Variants in APH1B observed in about 807,000 individuals in gnomAD.
APH1B encodes gamma-secretase subunit APH-1B.
In APH1B, 27 loss-of-function variants were observed where a neutral mutation model predicts 28.2. That is an observed-to-expected ratio of 0.96 (90% confidence interval 0.70 to 1.32). APH1B has a LOEUF of 1.32. Ranked by LOEUF, APH1B falls within the 40% of genes most tolerant of loss-of-function variation. The pLI is 0.00. For synonymous variants in APH1B, 141 were observed against 124.6 expected, an observed-to-expected ratio of 1.13 and a Z score of -0.88; for missense variants, 305 against 313.6, an observed-to-expected ratio of 0.97 and a Z score of 0.21.
chr15:63,300,708 C>A (rs753975933), intron 4 of APH1B, among the ~76,000 whole-genome samples: 2 of 152,220 alleles, frequency 1.3e-5, no homozygotes, highest in Non-Finnish European at 2.9e-5. Context: ...CCACCGTTTA[C>A]TGAAATAATT....
At chr15:63,281,144 A>AG (rs1260348018) in intron 2 of APH1B, among the ~76,000 whole-genome samples, 1 of 151,966 alleles carries the variant, frequency 6.6e-6, no homozygotes, top group Non-Finnish European at 1.5e-5. Flanking sequence ...TAAAAAAAAA[A>AG]CAAACAAGCA....
rs2038662843 is a variant in APH1B, at chr15:63,304,089, A to G, written c.607-1525A>G. Among the ~76,000 whole-genome samples, 12 of 152,144 alleles carry G rather than the reference A, an allele frequency of 7.9e-5. No homozygotes were observed. Among genetic ancestry groups the G allele is most frequent in the Admixed American group, 7.9e-4 (12 of 15,272 alleles). ...TTTATTGTTAGTCGTCCTGCTGGCT[A>G]TGTCATGGTATCATAAATACATAAA... On this transcript the variant is annotated intron_variant, in intron 5 of 5. Transcript: ENST00000261879. This position sits in a 1 kb window ranked among gnomAD's most constrained non-coding sequence, Gnocchi z 5.1.
At chr15:63,286,456 G>C in intron 2 of APH1B, 102 bp from the exon 3 acceptor site, 1 of 897,710 alleles carries the variant, frequency 1.1e-6, no homozygotes, top group East Asian at 2.8e-5. Context: ...CAAAGCCTCA[G>C]TGAGTATCTG....
chr15:63,286,704 T>C, intron 3 of APH1B, 76 bp downstream of exon 3: 7 of 1,355,972 alleles, frequency 5.2e-6, no homozygotes, highest in Non-Finnish European at 7.1e-6. Flanking sequence ...CTTTTGTATC[T>C]TTGTAGATTT....
intron 2 of APH1B, among the ~76,000 whole-genome samples, chr15:63,285,830 G>A (rs1422527533): frequency 3.3e-5 from 5 of 152,260 alleles, no homozygotes; most frequent in Admixed American, 6.5e-5. Context: ...TCTGAGGGTA[G>A]CATTTTATTC....
chr15:63,284,498 G>A (rs946609380), intron 2 of APH1B, among the ~76,000 whole-genome samples: 6 of 152,204 alleles, frequency 3.9e-5, no homozygotes, highest in African/African-American at 1.4e-4. Context: ...ATAGGCGTGG[G>A]CCACTGCGCC....
At chr15:63,287,940 G>A (rs1430768203) in intron 4 of APH1B, among the ~76,000 whole-genome samples, 1 of 152,164 alleles carries the variant, frequency 6.6e-6, no homozygotes, top group African/African-American at 2.4e-5. Flanking sequence ...ATCTGAAATT[G>A]AGAGGAAAAA....
intron 4 of APH1B, among the ~76,000 whole-genome samples, chr15:63,301,218 A>C (rs2038623688): frequency 6.6e-6 from 1 of 152,266 alleles, no homozygotes; most frequent in Non-Finnish European, 1.5e-5. Flanking sequence ...TAGCTGCAGA[A>C]TTGCTGGAGT....
Position 63,279,349 on chromosome 15 carries a change from C to T in APH1B, c.284+18C>T. On this transcript the variant is annotated intron_variant, in intron 2 of 5. Coordinates refer to ENST00000261879, the MANE Select transcript of APH1B (RefSeq NM_031301.4). ...CTCTTAAAGTAAGTTAAATACCTGC[C>T]TTACCTTTTTTTTCCCCAGTTAGAT... 1 of 1,574,548 alleles carries T rather than the reference C, an allele frequency of 6.4e-7. No individual in the cohort carries two copies. The highest frequency in any genetic ancestry group is 2.3e-5 in the East Asian group (1 of 44,158).
chr15:63,290,285 G>T (rs1424875409), intron 4 of APH1B, among the ~76,000 whole-genome samples: 3 of 152,020 alleles, frequency 2.0e-5, no homozygotes, highest in Non-Finnish European at 2.9e-5. Context: ...TTTATTTGTG[G>T]TTATGTTGTA....
At chr15:63,295,795 G>C (rs913591936) in intron 4 of APH1B, among the ~76,000 whole-genome samples, 2 of 152,202 alleles carry the variant, frequency 1.3e-5, no homozygotes, top group East Asian at 3.8e-4. Flanking sequence ...ATTTGGGTTC[G>C]GTTTGAGAAG....
intron 4 of APH1B, among the ~76,000 whole-genome samples, chr15:63,289,553 C>T (rs1462631419): frequency 3.3e-5 from 5 of 152,152 alleles, no homozygotes; most frequent in South Asian, 2.1e-4. Context: ...CTTCCTTCAC[C>T]GACATGACGC....
At chr15:63,277,986 A>C in intron 1 of APH1B, 1 of 536,410 alleles carries the variant, frequency 1.9e-6, no homozygotes, top group Admixed American at 3.4e-5. Flanking sequence ...TGAAGCTACT[A>C]AAGTTGTATA....
chr15:63,278,161 A>T, intron 1 of APH1B: 1 of 384,406 alleles, frequency 2.6e-6, no homozygotes. Flanking sequence ...ACCTGTGGCC[A>T]GGTGCTTTAA....
At chr15:63,279,464 C>A in intron 2 of APH1B, 133 bp downstream of exon 2, 1 of 728,672 alleles carries the variant, frequency 1.4e-6, no homozygotes, top group Non-Finnish European at 2.0e-6. Flanking sequence ...TGGTACATTT[C>A]CAGCCTGAAA....
intron 5 of APH1B, among the ~76,000 whole-genome samples, chr15:63,303,400 T>C (rs1470502540): frequency 6.6e-6 from 1 of 152,246 alleles, no homozygotes; most frequent in Non-Finnish European, 1.5e-5. Flanking sequence ...TTTGTGGGAT[T>C]CATCTTCACA....
At chr15:63,294,330 A>G (rs1199363248) in intron 4 of APH1B, among the ~76,000 whole-genome samples, 1 of 152,198 alleles carries the variant, frequency 6.6e-6, no homozygotes, top group Non-Finnish European at 1.5e-5. Flanking sequence ...TGCTCAGTCT[A>G]GCCCCGCCCC....
At chr15:63,282,876 T>A (rs889550841) in intron 2 of APH1B, among the ~76,000 whole-genome samples, 2 of 152,174 alleles carry the variant, frequency 1.3e-5, no homozygotes, top group African/African-American at 2.4e-5. Context: ...TTTCTCTCTC[T>A]CACACACACA....
Position 63,305,573 on chromosome 15 carries a change from C to A in APH1B, c.607-41C>A, listed in dbSNP as rs768274992. On this transcript the variant is annotated intron_variant, in intron 5 of 5. Transcript: ENST00000261879. ...TTGGTTATTCCACATGTTTAATAAG[C>A]TTGCTGTTATTACCCAAGCTGATTT... 7.5e-6 allele frequency: 12 copies of A among 1,600,654 alleles called. No homozygotes were observed. The East Asian group carries it at 2.2e-4, about 30-fold the overall frequency.
Sources: gnomAD v4.1 joint callset for allele counts (sites outside exome capture counted in the v4.1 genomes callset) on GRCh38, gnomAD v4.1.1 for gene constraint, Gnocchi (gnomAD v3.1) non-coding constraint, MANE v1.5 for transcripts, NCBI Gene and HGNC (gene_info 2026-07-23, HGNC 2026-07-21) for gene names.